Variants in RBFOX1 observed in about 807,000 individuals in gnomAD.
RBFOX1 encodes the protein RNA binding fox-1 homolog 1, also known as RNA binding protein fox-1 homolog 1.
Under a neutral mutation model 57.7 loss-of-function variants are expected in RBFOX1, and 8 were observed. The ratio of observed to expected loss-of-function variants is 0.14; its 90% CI spans 0.08 to 0.25. The LOEUF is 0.25. RBFOX1 is among the 10% of genes least tolerant of loss of function. RBFOX1 has a pLI of 1.00. For missense variants in RBFOX1, 611 were observed against 548.5 expected, an observed-to-expected ratio of 1.11 and a Z score of -1.14; for synonymous variants, 326 against 222.4, an observed-to-expected ratio of 1.47 and a Z score of -4.15.
chr16:5,360,626 T>C (rs1180954632), intron 1 of RBFOX1, among the ~76,000 whole-genome samples: 1 of 152,112 alleles, frequency 6.6e-6, no homozygotes, highest in Non-Finnish European at 1.5e-5. Context: ...AATTAGAGTC[T>C]TTGGTTGCAA....
intron 2 of RBFOX1, among the ~76,000 whole-genome samples, chr16:5,500,195 T>TCATTCCATTC (rs563738734): frequency 0.3 from 37,955 of 127,648 alleles, 10,411 homozygotes; most frequent in African/African-American, 0.74. Flanking sequence ...CTCCCTCCCT[T>TCATTCCATTC]CATTCCATTC....
chr16:5,884,346 A>G (rs908619848), intron 4 of RBFOX1, among the ~76,000 whole-genome samples: 1 of 152,090 alleles, frequency 6.6e-6, no homozygotes, highest in Non-Finnish European at 1.5e-5. Context: ...TGTGCTTTTG[A>G]GTCTGGCTTC....
At chr16:7,497,238 C>T (rs1022396315) in intron 4 of RBFOX1, among the ~76,000 whole-genome samples, 1 of 152,268 alleles carries the variant, frequency 6.6e-6, no homozygotes, top group South Asian at 2.1e-4. Context: ...GCCCCAGTTC[C>T]TGCTAAATCT....
intron 4 of RBFOX1, among the ~76,000 whole-genome samples, chr16:7,447,855 C>A (rs773956557): frequency 6.6e-6 from 1 of 152,218 alleles, no homozygotes; most frequent in Non-Finnish European, 1.5e-5. Flanking sequence ...ACAGATTTTT[C>A]TGTGTGTTCT....
intron 3 of RBFOX1, among the ~76,000 whole-genome samples, chr16:7,039,717 G>C (rs1475667261): frequency 6.6e-6 from 1 of 152,106 alleles, no homozygotes; most frequent in African/African-American, 2.4e-5. Flanking sequence ...ACACTTGCAA[G>C]AAGCAGTGGG....
chr16:5,329,416 A>G (rs2064681958), intron 1 of RBFOX1, among the ~76,000 whole-genome samples: 1 of 152,050 alleles, frequency 6.6e-6, no homozygotes, highest in Admixed American at 6.6e-5. Flanking sequence ...ATCTCACAAT[A>G]ACTCACTCCG....
intron 2 of RBFOX1, among the ~76,000 whole-genome samples, chr16:6,437,314 T>G (rs997333180): frequency 1.3e-5 from 2 of 152,228 alleles, no homozygotes; most frequent in African/African-American, 4.8e-5. Flanking sequence ...ATTTTATTTT[T>G]AAAATGTGTC....
chr16:7,443,651 T>C (rs62015748), intron 4 of RBFOX1, among the ~76,000 whole-genome samples: 3,546 of 152,346 alleles, frequency 0.023, 55 homozygotes, highest in Non-Finnish European at 0.034. Flanking sequence ...CGTATTTCTA[T>C]ATATGTCTGT....
At chr16:6,230,019 A>G (rs912586738) in intron 1 of RBFOX1, among the ~76,000 whole-genome samples, 8 of 152,160 alleles carry the variant, frequency 5.3e-5, no homozygotes, top group Non-Finnish European at 1.0e-4. Flanking sequence ...GTACTTGACT[A>G]TGGATCTCCT....
intron 2 of RBFOX1, among the ~76,000 whole-genome samples, chr16:6,598,137 C>T (rs1420071): frequency 0.37 from 55,642 of 152,148 alleles, 12,095 homozygotes; most frequent in Middle Eastern, 0.54. Flanking sequence ...TATCCACATC[C>T]GTGTCTTCAC....
At chr16:5,398,865 A>G (rs1596852608) in intron 1 of RBFOX1, among the ~76,000 whole-genome samples, 1 of 152,160 alleles carries the variant, frequency 6.6e-6, no homozygotes, top group African/African-American at 2.4e-5. Context: ...TTGAGGCGTA[A>G]CCCGCAGCAT....
At chr16:6,185,351 G>T (rs1233010083) in intron 1 of RBFOX1, among the ~76,000 whole-genome samples, 2 of 152,018 alleles carry the variant, frequency 1.3e-5, no homozygotes, top group Non-Finnish European at 2.9e-5. Flanking sequence ...CTTCCCTCCT[G>T]CCCACCTTCG....
At chr16:7,303,278 G>A (rs1222836252) in intron 4 of RBFOX1, among the ~76,000 whole-genome samples, 2 of 152,220 alleles carry the variant, frequency 1.3e-5, no homozygotes, top group African/African-American at 4.8e-5. Context: ...CTCTGCTGGG[G>A]GGCGCAGAAA....
chr16:5,626,188 A>G (rs1455737841), intron 3 of RBFOX1, among the ~76,000 whole-genome samples: 1 of 152,118 alleles, frequency 6.6e-6, no homozygotes, highest in African/African-American at 2.4e-5. Flanking sequence ...CCTCTTTAAT[A>G]TTTTGTGTCC....
chr16:5,651,714 C>T (rs1245387273), intron 3 of RBFOX1, among the ~76,000 whole-genome samples: 2 of 152,190 alleles, frequency 1.3e-5, no homozygotes, highest in African/African-American at 4.8e-5. Context: ...CCCATCCCTG[C>T]CTGCTTTTTA....
At chr16:5,396,329 G>T (rs1012763056) in intron 1 of RBFOX1, among the ~76,000 whole-genome samples, 2 of 152,132 alleles carry the variant, frequency 1.3e-5, no homozygotes, top group Non-Finnish European at 2.9e-5. Flanking sequence ...AGATGGGTCA[G>T]TAGGTGGCTG....
At chr16:6,328,406 C>T (rs1421183711) in intron 2 of RBFOX1, among the ~76,000 whole-genome samples, 1 of 152,074 alleles carries the variant, frequency 6.6e-6, no homozygotes, top group South Asian at 2.1e-4. Flanking sequence ...CAAAATGCCA[C>T]CTGTTCCCCC....
intron 1 of RBFOX1, among the ~76,000 whole-genome samples, chr16:5,403,734 C>T (rs2066785244): frequency 6.6e-6 from 1 of 152,164 alleles, no homozygotes. Context: ...GCATGAGCCA[C>T]CACACCCAGC....
At chr16:5,799,625 T>C (rs930242381) in intron 3 of RBFOX1, among the ~76,000 whole-genome samples, 4 of 152,208 alleles carry the variant, frequency 2.6e-5, no homozygotes, top group Admixed American at 6.5e-5. Flanking sequence ...TGTTAGGTGA[T>C]TTTTGTCCAA....
Sources: allele counts gnomAD v4.1 joint callset (sites outside exome capture counted in the v4.1 genomes callset), GRCh38; gene constraint gnomAD v4.1.1; transcripts MANE v1.5; gene names NCBI Gene and HGNC (gene_info 2026-07-23, HGNC 2026-07-21).